Variants in ESF1 observed in about 807,000 individuals in gnomAD.
ESF1 encodes ESF1 nucleolar pre-rRNA processing protein, also known as ESF1 homolog.
A neutral mutation model predicts 92.0 loss-of-function variants in ESF1; 58 were observed. The observed-to-expected ratio is 0.63, with a 90% confidence interval of 0.51 to 0.78. ESF1 has a LOEUF of 0.78. Ranked by LOEUF, ESF1 falls within the 30% of genes least tolerant of loss-of-function variation. ESF1 has a pLI of 0.00. For synonymous variants in ESF1, 321 were observed against 313.7 expected (o/e 1.02, Z -0.24); for missense variants, 922 against 989.1 (o/e 0.93, Z 0.91).
At chr20:13,715,452 C>T (rs905020985) in intron 13 of ESF1, among the ~76,000 whole-genome samples, 25 of 152,110 alleles carry the variant, frequency 1.6e-4, no homozygotes, top group African/African-American at 5.1e-4. Context: ...GTAACTACAA[C>T]GACCACTTAG....
rs534749610 is a variant in ESF1 at position 13,714,909 on chromosome 20, GCT to G, written c.2519_2520del (p.Glu840AlafsTer21). ...MLIKSIKTKT[E>X]QFQARKKQKV... Reference sequence around the variant, plus strand: ...TTTTGCTTTTTTCTTGCTTGAAACTGCTCTGTTTTGGTTTTTATAGATTTAAT... The same window carrying G: ...TTTTGCTTTTTTCTTGCTTGAAACTGCTGTTTTGGTTTTTATAGATTTAAT... On this transcript the variant is annotated frameshift_variant, in exon 14 of 14. Coordinates refer to ENST00000617257, the MANE Select transcript of ESF1 (RefSeq NM_001276380.2). LOFTEE classifies it high-confidence loss of function. The G allele has an allele frequency of 2.7e-3, 4,279 of 1,610,378 alleles. 11 individuals carry two copies. Among genetic ancestry groups the G allele is most frequent in the Middle Eastern group, 5.7e-3 (34 of 5,960 alleles).
chr20:13,767,298 G>A lies in ESF1; in HGVS notation c.1519-374C>T, dbSNP rs186357594. Among the ~76,000 whole-genome samples the A allele has an allele frequency of 1.6e-4, 25 of 152,250 alleles. No homozygotes were observed. The South Asian group carries it at 1.7e-3, about 10-fold the overall frequency. On this transcript the variant is annotated intron_variant, in intron 7 of 13. Coordinates refer to ENST00000617257, the MANE Select transcript of ESF1 (RefSeq NM_001276380.2). ...TCCCAACACTTTGGGAGGCCAAGGCGGGTGGATCACCTGAGGTCAGGAGTT... is the reference window on the plus strand; with the variant it reads ...TCCCAACACTTTGGGAGGCCAAGGCAGGTGGATCACCTGAGGTCAGGAGTT...
intron 10 of ESF1, among the ~76,000 whole-genome samples, chr20:13,730,688 C>T (rs1276723125): frequency 2.0e-5 from 3 of 151,316 alleles, no homozygotes; most frequent in African/African-American, 7.3e-5. Flanking sequence ...CCAGCCAGAA[C>T]AAGCGCTTCT....
At chr20:13,724,854 C>T (rs1390854703) in intron 11 of ESF1, among the ~76,000 whole-genome samples, 1 of 152,110 alleles carries the variant, frequency 6.6e-6, no homozygotes, top group Non-Finnish European at 1.5e-5. Flanking sequence ...GGGCACACAG[C>T]TTTGTAATGT....
chr20:13,724,306 TAAATAAAATAA>T (rs144047229), intron 11 of ESF1, among the ~76,000 whole-genome samples: 53,198 of 151,642 alleles, frequency 0.35, 9,536 homozygotes, highest in Middle Eastern at 0.49. Flanking sequence ...AAAAAATAAA[TAAATAAAATAA>T]AAATAAAATA....
intron 11 of ESF1, among the ~76,000 whole-genome samples, chr20:13,723,230 G>A (rs1277712554): frequency 6.6e-6 from 1 of 152,164 alleles, no homozygotes; most frequent in African/African-American, 2.4e-5. Flanking sequence ...GTACTGACCA[G>A]ATGGGAGTGG....
Position 13,718,907 on chromosome 20 carries a change from CCTTTT to C in ESF1, c.2111_2115del (p.Gln704ArgfsTer2). ...AGCATGTAACAATAATCGTATTTTA[CCTTTT>C]GTCTTTCTATTTCAATTTCTTCTTC... On this transcript the variant is annotated frameshift_variant and splice_region_variant, in exon 12 of 14. Coordinates refer to ENST00000617257, the MANE Select transcript of ESF1 (RefSeq NM_001276380.2). LOFTEE classifies it high-confidence loss of function. 1 of 1,597,846 alleles carries C rather than the reference CCTTTT, an allele frequency of 6.3e-7. No homozygotes were observed. Among genetic ancestry groups the C allele is most frequent in the Non-Finnish European group, 8.5e-7 (1 of 1,172,722 alleles).
At position 13,776,058 on chromosome 20, in the gene ESF1, C is replaced by T. The variant is rs895318507; in HGVS notation, c.850G>A (p.Glu284Lys). Reference protein sequence around the residue: ...DDEEEDEDEEEDEDEDSEDDD... With the variant: ...DDEEEDEDEEKDEDEDSEDDD... ...TCCTCACTATCCTCATCTTCATCCT[C>T]CTCTTCATCTTCATCCTCCTCTTCA... Residue 284 changes from glutamate (E) to lysine (K), a missense_variant, in exon 3 of 14, where the codon GAG becomes AAG. Transcript: ENST00000617257. 2 of 1,613,138 alleles carry T rather than the reference C, an allele frequency of 1.2e-6. No individual in the cohort carries two copies. Among genetic ancestry groups the T allele is most frequent in the African/African-American group, 2.7e-5 (2 of 74,734 alleles).
chr20:13,776,072 T>G lies in ESF1; in HGVS notation c.836A>C (p.Asp279Ala), dbSNP rs1236680345. 1 of 1,613,770 alleles carries G rather than the reference T, an allele frequency of 6.2e-7. No homozygotes were observed. The highest frequency in any genetic ancestry group is 1.1e-5 in the South Asian group (1 of 91,058). The part of the protein sequence containing the change: ...DDGSEDDEEE[D>A]EDEEEDEDED... Reference sequence around the variant, plus strand: ...ATCTTCATCCTCCTCTTCATCTTCATCCTCCTCTTCATCATCTTCACTTCC... The same window carrying G: ...ATCTTCATCCTCCTCTTCATCTTCAGCCTCCTCTTCATCATCTTCACTTCC... The change falls in exon 3 of 14, where the codon GAT becomes GCT. Residue 279 changes from aspartate (D) to alanine (A), a missense_variant. Coordinates refer to ENST00000617257, the MANE Select transcript of ESF1 (RefSeq NM_001276380.2).
intron 11 of ESF1, among the ~76,000 whole-genome samples, chr20:13,720,209 T>A (rs2049858058): frequency 6.6e-6 from 1 of 152,116 alleles, no homozygotes. Flanking sequence ...TGAACTGCCG[T>A]GAAGACTCGA....
intron 9 of ESF1, 70 bp downstream of exon 9, chr20:13,759,622 C>T: frequency 6.6e-7 from 1 of 1,525,936 alleles, no homozygotes; most frequent in Admixed American, 2.6e-5. Context: ...TTTCCGGCTC[C>T]TTCATATTTA....
intron 11 of ESF1, among the ~76,000 whole-genome samples, chr20:13,720,233 C>T (rs755853182): frequency 6.6e-6 from 1 of 152,042 alleles, no homozygotes; most frequent in Non-Finnish European, 1.5e-5. Context: ...AGAGAAACAC[C>T]CAATACTGCC....
At position 13,776,258 on chromosome 20, in the gene ESF1, A is replaced by C. The variant is rs745702355; in HGVS notation, c.650T>G (p.Ile217Arg). The change falls in exon 3 of 14, where the codon ATA becomes AGA. Residue 217 changes from isoleucine (I) to arginine (R), a missense_variant. Transcript: ENST00000617257. ...RREMQSVVQL[I>R]MTRDSDGYEN... ...ATAACCATCACTGTCTCTTGTCATT[A>C]TGAGTTGAACCACTGCAAAATGTTA... is the stretch of plus-strand genomic sequence containing the variant. 1 of 1,611,798 alleles carries C rather than the reference A, an allele frequency of 6.2e-7. No homozygotes were observed. Among genetic ancestry groups the C allele is most frequent in the East Asian group, 2.2e-5 (1 of 44,870 alleles).
Position 13,733,990 on chromosome 20 carries a change from A to G in ESF1, c.1829-148T>C, listed in dbSNP as rs559366843. ...AATGGTAAATATCTGTAATACCCCAATATCATACAGTGACATAGGACCAAC... is the reference window on the plus strand; with the variant it reads ...AATGGTAAATATCTGTAATACCCCAGTATCATACAGTGACATAGGACCAAC... On this transcript the variant is annotated intron_variant, in intron 9 of 13. Coordinates refer to ENST00000617257, the MANE Select transcript of ESF1 (RefSeq NM_001276380.2). 3.0e-5 allele frequency: 28 copies of G among 942,298 alleles called. No individual in the cohort carries two copies. In the East Asian group the frequency reaches 5.6e-4, roughly 19 times the overall value. 58.4% of individuals were successfully genotyped at this position (942,298 alleles called of 1,614,324 possible). A position where few individuals can be genotyped will look rare whatever the true frequency, so the allele number is the denominator to read the frequency against.
intron 6 of ESF1, among the ~76,000 whole-genome samples, chr20:13,770,236 T>A (rs1979623166): frequency 6.6e-6 from 1 of 152,216 alleles, no homozygotes; most frequent in Admixed American, 6.5e-5. Flanking sequence ...GTAATTCCAC[T>A]AAATTTAAAA....
intron 7 of ESF1, among the ~76,000 whole-genome samples, chr20:13,769,606 C>T (rs1332513489): frequency 3.3e-5 from 5 of 152,102 alleles, no homozygotes; most frequent in East Asian, 3.9e-4. Context: ...GTCAACATAG[C>T]GAAACACTGT....
At chr20:13,783,832 GA>G (rs1980427258) in intron 1 of ESF1, among the ~76,000 whole-genome samples, 2 of 152,066 alleles carry the variant, frequency 1.3e-5, no homozygotes, top group African/African-American at 4.8e-5. Context: ...AAGTAAGAAA[GA>G]AAGATTCCCT....
At chr20:13,753,905 A>C (rs1399733348) in intron 9 of ESF1, among the ~76,000 whole-genome samples, 1 of 152,170 alleles carries the variant, frequency 6.6e-6, no homozygotes, top group Non-Finnish European at 1.5e-5. Context: ...CATTCCAATA[A>C]TGGACCACTA....
intron 8 of ESF1, 78 bp from the exon 9 acceptor site, chr20:13,759,931 T>C: frequency 4.1e-6 from 6 of 1,475,908 alleles, no homozygotes; most frequent in Admixed American, 2.9e-5. Flanking sequence ...GTCACTCTCT[T>C]TTAAAAGATG....
Sources: gnomAD v4.1 joint callset for allele counts (sites outside exome capture counted in the v4.1 genomes callset) on GRCh38, gnomAD v4.1.1 for gene constraint, MANE v1.5 for transcripts, NCBI Gene and HGNC (gene_info 2026-07-23, HGNC 2026-07-21) for gene names.